CRIM1: variants seen among roughly 807,000 people sequenced by gnomAD.
CRIM1 encodes the protein cysteine-rich motor neuron 1 protein.
Under a neutral mutation model 116.4 loss-of-function variants are expected in CRIM1, and 32 were observed. That is an observed-to-expected ratio of 0.27 (90% CI 0.21 to 0.37). The LOEUF (loss-of-function observed/expected upper bound fraction) is 0.37, where lower values mean the gene tolerates loss of function less well. CRIM1 is among the 10% of genes least tolerant of loss of function. The pLI is 1.00. For missense variants in CRIM1, 1,331 were observed against 1,354.8 expected, an observed-to-expected ratio of 0.98 and a Z score of 0.28; for synonymous variants, 590 against 509.2, an observed-to-expected ratio of 1.16 and a Z score of -2.13.
chr2:36,477,024 G>A lies in CRIM1; in HGVS notation c.1127G>A (p.Cys376Tyr). The change falls in exon 6 of 17, where the codon TGC becomes TAC. Residue 376 changes from cysteine to tyrosine, a missense_variant. Coordinates refer to ENST00000280527, the MANE Select transcript of CRIM1 (RefSeq NM_016441.3). ...CFTAQCGEIN[C>Y]ERYYVPEGEC... ...ACCGCCCAGTGTGGTGAGATAAACTGCGAGAGGTACTACGTGCCCGAAGGA... is the reference window on the plus strand; with the variant it reads ...ACCGCCCAGTGTGGTGAGATAAACTACGAGAGGTACTACGTGCCCGAAGGA... The A allele has an allele frequency of 6.2e-7, 1 of 1,613,732 alleles. No individual in the cohort carries two copies. The highest frequency in any genetic ancestry group is 8.5e-7 in the Non-Finnish European group (1 of 1,179,754).
chr2:36,461,428 G>C (rs377008174), intron 4 of CRIM1, among the ~76,000 whole-genome samples: 31 of 152,284 alleles, frequency 2.0e-4, no homozygotes, highest in African/African-American at 7.0e-4. Flanking sequence ...GGACGGTACA[G>C]GTTGCATGCG....
At chr2:36,492,568 A>C (rs1430183771) in intron 7 of CRIM1, among the ~76,000 whole-genome samples, 2 of 152,000 alleles carry the variant, frequency 1.3e-5, no homozygotes, top group African/African-American at 2.4e-5. Context: ...CCCAAGATGC[A>C]ATTATGTTGA....
At chr2:36,378,210 C>T (rs531672850) in intron 1 of CRIM1, 26 of 433,450 alleles carry the variant, frequency 6.0e-5, no homozygotes, top group Non-Finnish European at 1.1e-4. Context: ...CTGTGTAAGT[C>T]GCAGGTGTTC....
chr2:36,393,632 G>A (rs1395075445), intron 1 of CRIM1, among the ~76,000 whole-genome samples: 1 of 152,156 alleles, frequency 6.6e-6, no homozygotes, highest in East Asian at 1.9e-4. Flanking sequence ...CATAGAGGAT[G>A]GAGCAGCTTA....
intron 7 of CRIM1, among the ~76,000 whole-genome samples, chr2:36,491,550 T>G (rs1680226192): frequency 3.3e-5 from 5 of 152,204 alleles, no homozygotes; most frequent in Non-Finnish European, 5.9e-5. Context: ...AGCTCTTCTT[T>G]GCCAAATAAT....
chr2:36,382,778 A>G (rs186444319), intron 1 of CRIM1, among the ~76,000 whole-genome samples: 1 of 152,328 alleles, frequency 6.6e-6, no homozygotes, highest in Non-Finnish European at 1.5e-5. Context: ...TGGAAGTTCA[A>G]AGCAATGGAA....
intron 11 of CRIM1, among the ~76,000 whole-genome samples, chr2:36,514,741 G>T (rs1415849709): frequency 6.6e-6 from 1 of 152,132 alleles, no homozygotes; most frequent in South Asian, 2.1e-4. Context: ...CCTGAGGCCT[G>T]GTCCTTGTGC....
intron 7 of CRIM1, among the ~76,000 whole-genome samples, chr2:36,492,773 G>A (rs1680319206): frequency 6.6e-6 from 1 of 152,162 alleles, no homozygotes; most frequent in African/African-American, 2.4e-5. Context: ...GCCATGTCAA[G>A]TCAGTGACAT....
intron 5 of CRIM1, among the ~76,000 whole-genome samples, chr2:36,475,174 A>C (rs886313178): frequency 1.3e-5 from 2 of 152,372 alleles, no homozygotes; most frequent in African/African-American, 2.4e-5. Context: ...TTGAACATGT[A>C]GATCAATTTG....
chr2:36,418,348 A>G (rs1320249999), intron 2 of CRIM1, among the ~76,000 whole-genome samples: 4 of 152,098 alleles, frequency 2.6e-5, no homozygotes, highest in East Asian at 1.9e-4. Context: ...CTGACACCCA[A>G]GGAGAAGTGC....
intron 2 of CRIM1, among the ~76,000 whole-genome samples, chr2:36,411,684 G>GTGTA (rs1377743686): frequency 6.6e-6 from 1 of 151,686 alleles, no homozygotes; most frequent in Non-Finnish European, 1.5e-5. Context: ...GTGTGTGTGT[G>GTGTA]TACAGTTACC....
At chr2:36,403,029 C>A (rs1672533747) in intron 2 of CRIM1, among the ~76,000 whole-genome samples, 1 of 152,090 alleles carries the variant, frequency 6.6e-6, no homozygotes, top group African/African-American at 2.4e-5. Flanking sequence ...TCAAATCTCT[C>A]CAGAAAAAGT....
intron 2 of CRIM1, among the ~76,000 whole-genome samples, chr2:36,417,127 G>A (rs1487613389): frequency 6.6e-6 from 1 of 152,186 alleles, no homozygotes. Context: ...AGATGTTGCA[G>A]TCCTTCCCTT....
intron 13 of CRIM1, among the ~76,000 whole-genome samples, chr2:36,527,609 C>T (rs1448180950): frequency 1.3e-5 from 2 of 152,106 alleles, no homozygotes; most frequent in Admixed American, 1.3e-4. Context: ...ATACATTATT[C>T]CTTTTGCTTA....
At chr2:36,435,925 C>CT (rs11344634) in intron 2 of CRIM1, among the ~76,000 whole-genome samples, 35 of 144,262 alleles carry the variant, frequency 2.4e-4, no homozygotes, top group African/African-American at 6.3e-4. Flanking sequence ...TCTGGGCAGG[C>CT]TTTTTTTTTT....
chr2:36,474,859 A>AAAAAAAAAAAAAAAC (rs1678833819), intron 5 of CRIM1, among the ~76,000 whole-genome samples: 1 of 151,314 alleles, frequency 6.6e-6, no homozygotes, highest in Admixed American at 6.6e-5. Context: ...AAAAAAAAAA[A>AAAAAAAAAAAAAAAC]AAAAAAAGAC....
At chr2:36,544,650 CAT>C in intron 15 of CRIM1, 152 bp downstream of exon 15, 3 of 743,110 alleles carry the variant, frequency 4.0e-6, no homozygotes, top group Non-Finnish European at 5.5e-6. Context: ...TTGGCTGAAA[CAT>C]ATTTACACCA....
intron 1 of CRIM1, among the ~76,000 whole-genome samples, chr2:36,362,201 T>C (rs577552447): frequency 6.8e-6 from 1 of 148,086 alleles, no homozygotes; most frequent in Admixed American, 6.6e-5. Flanking sequence ...CAAGTAGAAG[T>C]GATTTTGCAA....
At chr2:36,534,008 AAGG>A (rs1193761933) in intron 13 of CRIM1, among the ~76,000 whole-genome samples, 2 of 138,832 alleles carry the variant, frequency 1.4e-5, no homozygotes, top group Admixed American at 7.1e-5. Flanking sequence ...GAAGGAAGGA[AAGG>A]AGGGAGGGAG....
Sources: allele counts gnomAD v4.1 joint callset (sites outside exome capture counted in the v4.1 genomes callset), GRCh38; gene constraint gnomAD v4.1.1; transcripts MANE v1.5; gene names NCBI Gene and HGNC (gene_info 2026-07-23, HGNC 2026-07-21).